The following MDGA2 variants were observed in gnomAD, a reference collection of about 807,000 sequenced individuals.
MDGA2 encodes MAM domain-containing glycosylphosphatidylinositol anchor protein 2.
In MDGA2, 40 loss-of-function variants were observed where a neutral mutation model predicts 117.8. The ratio of observed to expected loss-of-function variants is 0.34; its 90% confidence interval spans 0.26 to 0.44. The LOEUF (loss-of-function observed/expected upper bound fraction) is 0.44. Among genes scored for constraint, MDGA2 ranks in the 20% least tolerant of loss-of-function variants. The pLI, the probability that MDGA2 is intolerant of heterozygous loss-of-function variation, is 1.00. For synonymous variants in MDGA2, 452 were observed against 439.0 expected (o/e 1.03, Z -0.37); for missense variants, 1,123 against 1,250.6 (o/e 0.90, Z 1.54).
chr14:47,358,350 G>A (rs1891040387), intron 1 of MDGA2, among the ~76,000 whole-genome samples: 1 of 152,106 alleles, frequency 6.6e-6, no homozygotes, highest in Non-Finnish European at 1.5e-5. Context: ...CTTGTTAAAA[G>A]TAATAAAATC....
intron 1 of MDGA2, among the ~76,000 whole-genome samples, chr14:47,553,219 G>A (rs764919621): frequency 2.6e-5 from 4 of 152,238 alleles, no homozygotes; most frequent in East Asian, 1.9e-4. Context: ...AACTCTCCCC[G>A]CTAGAATGTG....
rs28528316 is a variant in MDGA2, at chr14:47,543,608, C to G, written c.280+130909G>C. Among the ~76,000 whole-genome samples, 883 of 152,272 alleles carry G rather than the reference C, an allele frequency of 5.8e-3. 6 individuals are homozygous for G. Among genetic ancestry groups the G allele is most frequent in the Non-Finnish European group, 0.01 (681 of 68,016 alleles). ...CCACATGGTTAATAAGTTAATGACCCTTGTTCTTGCCACTTCAAATGAATA... is the reference window on the plus strand; with the variant it reads ...CCACATGGTTAATAAGTTAATGACCGTTGTTCTTGCCACTTCAAATGAATA... On this transcript the variant is annotated intron_variant, in intron 1 of 16. Transcript: ENST00000399232.
chr14:47,505,652 C>T (rs1894495501), intron 1 of MDGA2, among the ~76,000 whole-genome samples: 1 of 152,074 alleles, frequency 6.6e-6, no homozygotes, highest in Admixed American at 6.5e-5. Context: ...TGTCCTAATT[C>T]TCCCTTAGTT....
chr14:47,250,047 C>A (rs554917755), intron 2 of MDGA2, among the ~76,000 whole-genome samples: 1 of 152,192 alleles, frequency 6.6e-6, no homozygotes, highest in African/African-American at 2.4e-5. Context: ...TGGGTAGAGA[C>A]ACAAGATTAT....
At chr14:47,348,442 C>T (rs1246937328) in intron 1 of MDGA2, among the ~76,000 whole-genome samples, 1 of 152,106 alleles carries the variant, frequency 6.6e-6, no homozygotes. Flanking sequence ...GAACTCCTGA[C>T]TTCAGGTGAT....
chr14:47,361,241 T>A (rs1263075768), intron 1 of MDGA2, among the ~76,000 whole-genome samples: 1 of 4,144 alleles, frequency 2.4e-4, no homozygotes, highest in Non-Finnish European at 6.6e-4. Context: ...CAGTAGTAAT[T>A]ACAACACACA....
At chr14:47,543,708 T>G (rs1396326227) in intron 1 of MDGA2, among the ~76,000 whole-genome samples, 1 of 152,218 alleles carries the variant, frequency 6.6e-6, no homozygotes, top group Non-Finnish European at 1.5e-5. Context: ...TCATCTAATC[T>G]AGTCACCAGA....
intron 1 of MDGA2, among the ~76,000 whole-genome samples, chr14:47,548,097 G>T (rs765231981): frequency 6.6e-6 from 1 of 152,034 alleles, no homozygotes; most frequent in Non-Finnish European, 1.5e-5. Flanking sequence ...AAATATATTT[G>T]TACTCTCTTT....
chr14:47,479,443 A>T (rs1893907908), intron 1 of MDGA2, among the ~76,000 whole-genome samples: 1 of 152,144 alleles, frequency 6.6e-6, no homozygotes, highest in Non-Finnish European at 1.5e-5. Context: ...GGGTGAAATG[A>T]TGATGATTTA....
At chr14:47,493,350 C>T (rs950799434) in intron 1 of MDGA2, among the ~76,000 whole-genome samples, 21 of 150,882 alleles carry the variant, frequency 1.4e-4, no homozygotes, top group African/African-American at 4.9e-4. Flanking sequence ...AGGCCTCACT[C>T]TGTTACCCAG....
At chr14:47,115,780 T>A (rs1881295698) in intron 5 of MDGA2, among the ~76,000 whole-genome samples, 1 of 152,022 alleles carries the variant, frequency 6.6e-6, no homozygotes, top group South Asian at 2.1e-4. Flanking sequence ...GGTAGGAAAT[T>A]ACCTTATATT....
intron 1 of MDGA2, among the ~76,000 whole-genome samples, chr14:47,525,547 T>C (rs1894954299): frequency 6.6e-6 from 1 of 152,048 alleles, no homozygotes; most frequent in Non-Finnish European, 1.5e-5. Context: ...TATCCGGGCG[T>C]GGTGGCACAC....
chr14:47,153,874 G>A (rs1007933102), intron 3 of MDGA2, among the ~76,000 whole-genome samples: 1 of 152,122 alleles, frequency 6.6e-6, no homozygotes, highest in Non-Finnish European at 1.5e-5. Context: ...AAAGACAACA[G>A]AACTGGAAAG....
intron 10 of MDGA2, among the ~76,000 whole-genome samples, chr14:46,918,090 G>T (rs1883970262): frequency 6.6e-6 from 1 of 152,108 alleles, no homozygotes; most frequent in Non-Finnish European, 1.5e-5. Context: ...AGCTAGTAAT[G>T]GGAAGTTACC....
At position 47,044,788 on chromosome 14, in the gene MDGA2, T is replaced by C. The variant is rs531146096; in HGVS notation, c.1526-9484A>G. On this transcript the variant is annotated intron_variant, in intron 7 of 16. Coordinates refer to ENST00000399232, the MANE Select transcript of MDGA2 (RefSeq NM_001113498.3). ...AACATGAGGTTAAAATACCACAGCA[T>C]GTGCATTTGGAAGTTCTAAGGGGAA... Among the ~76,000 whole-genome samples, 5 of 152,310 alleles carry C rather than the reference T, an allele frequency of 3.3e-5. No homozygotes were observed. In the East Asian group the frequency reaches 7.7e-4, roughly 24 times the overall value.
chr14:47,391,420 A>T lies in MDGA2; in HGVS notation c.281-89870T>A, dbSNP rs184661947. Among the ~76,000 whole-genome samples the T allele has an allele frequency of 3.3e-5, 5 of 152,298 alleles. No individual in the cohort carries two copies. In the East Asian group the frequency reaches 9.7e-4, roughly 29 times the overall value. On this transcript the variant is annotated intron_variant, in intron 1 of 16. Transcript: ENST00000399232. ...TGTGAAACTGCCTCTAAGAAACGGG[A>T]TGATCCATTCAGAGTTATTTCCGAG...
chr14:47,594,295 T>C (rs546712060), intron 1 of MDGA2, among the ~76,000 whole-genome samples: 41 of 152,208 alleles, frequency 2.7e-4, no homozygotes, highest in Non-Finnish European at 4.6e-4. Context: ...AATATTTTCC[T>C]CTATTTTAAC....
chr14:47,658,340 C>T (rs75451002), intron 1 of MDGA2, among the ~76,000 whole-genome samples: 12,252 of 152,056 alleles, frequency 0.081, 1,302 homozygotes, highest in African/African-American at 0.23. Context: ...TCAGCTGTGA[C>T]CTGAGAAGAT....
At chr14:47,564,370 A>G (rs1895876557) in intron 1 of MDGA2, among the ~76,000 whole-genome samples, 1 of 152,176 alleles carries the variant, frequency 6.6e-6, no homozygotes, top group Non-Finnish European at 1.5e-5. Flanking sequence ...GGCTTAATCT[A>G]CTTATGGTTC....
Sources: gnomAD v4.1 joint callset for allele counts (sites outside exome capture counted in the v4.1 genomes callset) on GRCh38, gnomAD v4.1.1 for gene constraint, MANE v1.5 for transcripts, NCBI Gene and HGNC (gene_info 2026-07-23, HGNC 2026-07-21) for gene names.